SORCS1: variants seen among roughly 807,000 people sequenced by gnomAD.
SORCS1 encodes the protein sortilin related VPS10 domain containing receptor 1, also known as VPS10 domain-containing receptor SorCS1.
A neutral mutation model predicts 146.1 loss-of-function variants in SORCS1; 60 were observed. The ratio of observed to expected loss-of-function variants is 0.41; its 90% CI spans 0.33 to 0.51. The LOEUF is 0.51. Ranked by LOEUF, SORCS1 falls within the 20% of genes least tolerant of loss-of-function variation. The pLI is 0.21. For synonymous variants in SORCS1, 637 were observed against 584.0 expected, an observed-to-expected ratio of 1.09 and a Z score of -1.31; for missense variants, 1,352 against 1,487.6, an observed-to-expected ratio of 0.91 and a Z score of 1.50.
At chr10:106,834,010 G>A (rs761514603) in intron 2 of SORCS1, among the ~76,000 whole-genome samples, 14 of 152,108 alleles carry the variant, frequency 9.2e-5, no homozygotes, top group Non-Finnish European at 1.6e-4. Flanking sequence ...AGCCAGGATG[G>A]TCTCGATCTC....
chr10:107,137,118 T>A (rs994037703), intron 1 of SORCS1, among the ~76,000 whole-genome samples: 7 of 152,226 alleles, frequency 4.6e-5, no homozygotes, highest in African/African-American at 1.7e-4. Flanking sequence ...TCCCTTAATG[T>A]AGCTACCAGC....
At chr10:106,818,873 C>T (rs1947875238) in intron 3 of SORCS1, among the ~76,000 whole-genome samples, 1 of 152,190 alleles carries the variant, frequency 6.6e-6, no homozygotes, top group Non-Finnish European at 1.5e-5. Context: ...GTGAAACCTT[C>T]CTAGTCTCCA....
intron 6 of SORCS1, among the ~76,000 whole-genome samples, chr10:106,719,623 G>C (rs1855638582): frequency 6.6e-6 from 1 of 152,114 alleles, no homozygotes; most frequent in Non-Finnish European, 1.5e-5. Flanking sequence ...ATGTTGGCCA[G>C]GATGGTCTCG....
intron 20 of SORCS1, among the ~76,000 whole-genome samples, chr10:106,618,921 C>T (rs1847558159): frequency 1.3e-5 from 2 of 152,090 alleles, no homozygotes; most frequent in Non-Finnish European, 2.9e-5. Context: ...GTGGTGCCTG[C>T]AATACAATCG....
At chr10:106,602,503 T>C (rs1333225851) in intron 23 of SORCS1, among the ~76,000 whole-genome samples, 2 of 114,844 alleles carry the variant, frequency 1.7e-5, no homozygotes, top group Admixed American at 9.0e-5. Flanking sequence ...CTCAATTTCA[T>C]TCCTTCATAA....
At chr10:107,004,860 TGTGG>T (rs1240603607) in intron 1 of SORCS1, among the ~76,000 whole-genome samples, 1 of 152,108 alleles carries the variant, frequency 6.6e-6, no homozygotes, top group Admixed American at 6.5e-5. Flanking sequence ...GGTATGTGTG[TGTGG>T]GTGGGTGGGC....
chr10:107,061,452 A>T (rs1233096154), intron 1 of SORCS1, among the ~76,000 whole-genome samples: 1 of 152,220 alleles, frequency 6.6e-6, no homozygotes, highest in Non-Finnish European at 1.5e-5. Context: ...TAAAGATGCC[A>T]TCCATCAGGT....
At chr10:107,117,920 G>C (rs889956751) in intron 1 of SORCS1, among the ~76,000 whole-genome samples, 3 of 152,142 alleles carry the variant, frequency 2.0e-5, no homozygotes, top group Non-Finnish European at 2.9e-5. Context: ...CTTTACAGTT[G>C]ATGCTAGGAT....
chr10:106,692,350 A>G (rs1290630364), intron 9 of SORCS1, among the ~76,000 whole-genome samples: 1 of 152,196 alleles, frequency 6.6e-6, no homozygotes, highest in Non-Finnish European at 1.5e-5. Flanking sequence ...TCCAGGTGTG[A>G]GCCACAGCGC....
chr10:106,905,653 A>G (rs1229316900), intron 2 of SORCS1, among the ~76,000 whole-genome samples: 3 of 152,192 alleles, frequency 2.0e-5, no homozygotes, highest in Non-Finnish European at 2.9e-5. Flanking sequence ...ACAAGCTGAG[A>G]GGGTTAGGGC....
intron 1 of SORCS1, among the ~76,000 whole-genome samples, chr10:107,119,652 T>C (rs1229848907): frequency 1.3e-5 from 2 of 152,290 alleles, no homozygotes; most frequent in African/African-American, 4.8e-5. Context: ...ATTAGAAGCC[T>C]TCAAATATTT....
chr10:106,765,901 A>C (rs1859533335), intron 4 of SORCS1, among the ~76,000 whole-genome samples: 1 of 152,128 alleles, frequency 6.6e-6, no homozygotes, highest in Non-Finnish European at 1.5e-5. Flanking sequence ...AGACAGGTGC[A>C]CGTGATAGAA....
chr10:107,016,797 C>A, intron 1 of SORCS1, among the ~76,000 whole-genome samples: 1 of 151,910 alleles, frequency 6.6e-6, no homozygotes, highest in East Asian at 1.9e-4. Flanking sequence ...TGACTCATAC[C>A]ATAAATATAT....
intron 10 of SORCS1, among the ~76,000 whole-genome samples, chr10:106,683,766 C>T (rs1048425571): frequency 6.6e-6 from 1 of 152,072 alleles, no homozygotes; most frequent in Non-Finnish European, 1.5e-5. Flanking sequence ...AAATAGTATC[C>T]CCAACACTCT....
chr10:106,722,775 C>T (rs1488831651), intron 6 of SORCS1, among the ~76,000 whole-genome samples: 1 of 152,150 alleles, frequency 6.6e-6, no homozygotes, highest in African/African-American at 2.4e-5. Context: ...AAAGGTGGTA[C>T]TGCAGGTTCT....
intron 1 of SORCS1, among the ~76,000 whole-genome samples, chr10:107,057,038 G>C (rs1485928178): frequency 6.6e-6 from 1 of 152,092 alleles, no homozygotes; most frequent in African/African-American, 2.4e-5. Flanking sequence ...ATCCTCAATT[G>C]CTTGACCACT....
At chr10:107,143,250 A>T (rs566201916) in intron 1 of SORCS1, among the ~76,000 whole-genome samples, 10 of 152,240 alleles carry the variant, frequency 6.6e-5, no homozygotes, top group African/African-American at 2.2e-4. Context: ...TTTGCTATAT[A>T]TGCTTTTCTT....
At chr10:106,624,865 A>G (rs1180801236) in intron 19 of SORCS1, among the ~76,000 whole-genome samples, 2 of 152,222 alleles carry the variant, frequency 1.3e-5, no homozygotes, top group Admixed American at 6.5e-5. Context: ...CCTGCTATCC[A>G]AAAGCCTATT....
rs992618686 is a variant in SORCS1 at position 106,614,620 on chromosome 10, C to T, written c.2921-2597G>A. 5.6e-4 allele frequency among the ~76,000 whole-genome samples: 4 copies of T among 7,198 alleles called. No individual in the cohort carries two copies. In the Non-Finnish European group the frequency reaches 0.011, roughly 20 times the overall value. The allele number at this position is 7,198 out of a possible 152,430, so 4.7% of individuals were successfully genotyped here. On this transcript the variant is annotated intron_variant, in intron 21 of 25. Transcript: ENST00000263054. ...TGAAGATTTAAGTTTATGTCATTCT[C>T]ACTTTCTCCGTACCTCTTACCAAAC...
Sources: gnomAD v4.1 joint callset for allele counts (sites outside exome capture counted in the v4.1 genomes callset) on GRCh38, gnomAD v4.1.1 for gene constraint, MANE v1.5 for transcripts, NCBI Gene and HGNC (gene_info 2026-07-23, HGNC 2026-07-21) for gene names.